PCDH15: variants seen among roughly 807,000 people sequenced by gnomAD.
The protein encoded by PCDH15 is protocadherin related 15, also known as protocadherin-15.
Under a neutral mutation model 178.5 loss-of-function variants are expected in PCDH15, and 129 were observed. The ratio of observed to expected loss-of-function variants is 0.72; its 90% CI spans 0.63 to 0.84. PCDH15 has a LOEUF of 0.84. Ranked by LOEUF, PCDH15 falls within the 40% of genes least tolerant of loss-of-function variation. PCDH15 has a pLI of 0.00. For synonymous variants in PCDH15, 800 were observed against 732.0 expected (o/e 1.09, Z -1.50); for missense variants, 2,230 against 2,099.9 (o/e 1.06, Z -1.21).
chr10:55,323,320 C>A (rs1382375216), upstream of PCDH15, among the ~76,000 whole-genome samples: 1 of 152,222 alleles, frequency 6.6e-6, no homozygotes, highest in African/African-American at 2.4e-5. Flanking sequence ...CCCACTGGGG[C>A]ACTGCCTAGT....
At chr10:54,153,412 G>C in intron 13 of PCDH15, 119 bp from the exon 14 acceptor site, 1 of 1,095,408 alleles carries the variant, frequency 9.1e-7, no homozygotes, top group South Asian at 1.3e-5. Context: ...AAGTTTCCTT[G>C]ACATATATAC....
At chr10:54,497,600 A>G (rs1257371532) in intron 3 of PCDH15, among the ~76,000 whole-genome samples, 1 of 152,152 alleles carries the variant, frequency 6.6e-6, no homozygotes, top group Non-Finnish European at 1.5e-5. Context: ...ACAGAACCAA[A>G]CTGAACCTCT....
chr10:53,806,169 T>C lies in PCDH15; in HGVS notation c.*410A>G, dbSNP rs542025439. On this transcript the variant is annotated 3_prime_UTR_variant, in exon 38 of 38. Coordinates refer to ENST00000644397, the MANE Select transcript of PCDH15 (RefSeq NM_001384140.1). Reference sequence around the variant, plus strand: ...TCATTGCCTGTAAATATCCTCTTACTTCTTTTTTGCCCTTTTGGCTATGGA... The same window carrying C: ...TCATTGCCTGTAAATATCCTCTTACCTCTTTTTTGCCCTTTTGGCTATGGA... The C allele has an allele frequency of 9.9e-4, 172 of 173,750 alleles. No individual in the cohort carries two copies. The highest frequency in any genetic ancestry group is 4.1e-3 in the African/African-American group (169 of 41,696). 10.8% of individuals were successfully genotyped at this position (173,750 alleles called of 1,614,324 possible). A position where few individuals can be genotyped will look rare whatever the true frequency, so the allele number is the denominator to read the frequency against.
In PCDH15 at chr10:54,185,172, GT is replaced by G. The variant is rs1193650682; in HGVS notation, c.1401del (p.Gln467HisfsTer15). On this transcript the variant is annotated frameshift_variant, in exon 12 of 38. Coordinates refer to ENST00000644397, the MANE Select transcript of PCDH15 (RefSeq NM_001384140.1). LOFTEE classifies it high-confidence loss of function. ...TGITRYLTLL[Q>X]PVDREEQQTY... is the part of the protein sequence containing the mutation. ...GTTTGCTGTTCTTCCCTGTCCACTG[GT>G]TGAAGTAAGGTGAGGTAGCGAGTAA... 6.2e-7 allele frequency: 1 copy of G among 1,613,538 alleles called. No homozygotes were observed. Among genetic ancestry groups the G allele is most frequent in the Admixed American group, 1.7e-5 (1 of 59,978 alleles).
chr10:53,841,775 T>C (rs2077662059), intron 28 of PCDH15, among the ~76,000 whole-genome samples: 1 of 152,048 alleles, frequency 6.6e-6, no homozygotes, highest in Admixed American at 6.5e-5. Flanking sequence ...TAAGAAAAGA[T>C]GATGTGTAAA....
intron 23 of PCDH15, among the ~76,000 whole-genome samples, chr10:53,950,702 T>G (rs2086951486): frequency 6.6e-6 from 1 of 152,194 alleles, no homozygotes; most frequent in African/African-American, 2.4e-5. Flanking sequence ...TTCTCATTCT[T>G]CAGAAGGCTA....
intron 25 of PCDH15, among the ~76,000 whole-genome samples, chr10:53,918,400 A>G (rs569985122): frequency 6.6e-6 from 1 of 152,314 alleles, no homozygotes; most frequent in East Asian, 1.9e-4. Context: ...CCTAGTTAAA[A>G]CAAGATTTGT....
chr10:55,559,204 C>A (rs1842146252), intron 2 of PCDH15, among the ~76,000 whole-genome samples: 1 of 151,858 alleles, frequency 6.6e-6, no homozygotes, highest in Non-Finnish European at 1.5e-5. Flanking sequence ...CAAATAGAAC[C>A]AAATGTATAC....
Position 54,600,401 on chromosome 10 carries a change from G to A in PCDH15, c.91+63771C>T, listed in dbSNP as rs73249269. 1,119 of 564,320 alleles carry A rather than the reference G, an allele frequency of 2.0e-3. 12 individuals are homozygous for A. Among genetic ancestry groups the A allele is most frequent in the African/African-American group, 0.019 (1,002 of 53,248 alleles). 35.0% of individuals were successfully genotyped at this position (564,320 alleles called of 1,614,324 possible). On this transcript the variant is annotated intron_variant, in intron 2 of 37. Transcript: ENST00000644397. ...GAGACCAAGGCAAAAGGCAGTGGGAGGGAAGAGGAGTAAGACATTGTCACC... is the reference window on the plus strand; with the variant it reads ...GAGACCAAGGCAAAAGGCAGTGGGAAGGAAGAGGAGTAAGACATTGTCACC...
intron 8 of PCDH15, among the ~76,000 whole-genome samples, chr10:54,240,478 C>T (rs971163722): frequency 6.6e-5 from 10 of 151,546 alleles, no homozygotes; most frequent in African/African-American, 2.4e-4. Context: ...CCTCTTTTTC[C>T]CTAAGTTAGT....
chr10:54,449,856 C>T lies in PCDH15; in HGVS notation c.158-70914G>A, dbSNP rs2076358876. On this transcript the variant is annotated intron_variant, in intron 3 of 37. Transcript: ENST00000644397. ...GGGGATGGGAGGTAGGGCGGCAGGT[C>T]CTGGAATCCATCCCCCATGGATACT... Among the ~76,000 whole-genome samples the T allele has an allele frequency of 1.3e-5, 2 of 151,550 alleles. 1 individual carries two copies. The highest frequency in any genetic ancestry group is 4.2e-4 in the South Asian group (2 of 4,814).
chr10:54,709,008 G>A (rs1162300042), intron 1 of PCDH15, among the ~76,000 whole-genome samples: 1 of 152,082 alleles, frequency 6.6e-6, no homozygotes, highest in Non-Finnish European at 1.5e-5. Context: ...TGTAAAGTGA[G>A]TGCCTTAGTT....
At chr10:54,356,887 T>C in intron 5 of PCDH15, among the ~76,000 whole-genome samples, 1 of 152,154 alleles carries the variant, frequency 6.6e-6, no homozygotes. Flanking sequence ...ATCCCCCATA[T>C]AAACAGAACC....
chr10:54,105,429 A>G lies in PCDH15; in HGVS notation c.1918-15366T>C, dbSNP rs527341188. The stretch of plus-strand genomic sequence containing the variant: ...ACTCACACAATCATGAGGTTTCACA[A>G]TAGGCTGTCTGCAAGCTGAGGAGCA... On this transcript the variant is annotated intron_variant, in intron 15 of 37. Transcript: ENST00000644397. Among the ~76,000 whole-genome samples, 6 of 151,898 alleles carry G rather than the reference A, an allele frequency of 4.0e-5. No homozygotes were observed. The South Asian group carries it at 1.2e-3, about 32-fold the overall frequency.
intron 1 of PCDH15, among the ~76,000 whole-genome samples, chr10:54,746,712 A>G (rs1945511079): frequency 6.6e-6 from 1 of 152,186 alleles, no homozygotes; most frequent in South Asian, 2.1e-4. Context: ...TTCTTGTGTC[A>G]GGGTTCCCCA....
chr10:54,011,034 G>T (rs1254369000), intron 20 of PCDH15, among the ~76,000 whole-genome samples: 2 of 152,122 alleles, frequency 1.3e-5, no homozygotes, highest in African/African-American at 4.8e-5. Flanking sequence ...TCATCATATA[G>T]AGAGAAGCCC....
chr10:54,933,607 G>A (rs1212610439), intron 2 of PCDH15, among the ~76,000 whole-genome samples: 1 of 152,048 alleles, frequency 6.6e-6, no homozygotes, highest in Non-Finnish European at 1.5e-5. Context: ...TTGCCAGTTT[G>A]AGATTTAACA....
At chr10:54,549,228 C>T (rs77403520) in intron 2 of PCDH15, among the ~76,000 whole-genome samples, 2,137 of 151,620 alleles carry the variant, frequency 0.014, 44 homozygotes, top group African/African-American at 0.049. Flanking sequence ...TTTACACACA[C>T]ACACACACAA....
intron 1 of PCDH15, among the ~76,000 whole-genome samples, chr10:55,170,726 A>T (rs1274735282): frequency 6.6e-6 from 1 of 152,010 alleles, no homozygotes; most frequent in Non-Finnish European, 1.5e-5. Context: ...CACTAAAAAT[A>T]CAAAAATTAG....
Sources: allele counts gnomAD v4.1 joint callset (sites outside exome capture counted in the v4.1 genomes callset), GRCh38; gene constraint gnomAD v4.1.1; transcripts MANE v1.5; gene names NCBI Gene and HGNC (gene_info 2026-07-23, HGNC 2026-07-21).